Variants in ZNF831 observed in about 807,000 individuals in gnomAD.
ZNF831 encodes zinc finger protein 831, also known as chromosome 20 open reading frame 174.
In ZNF831, 59 loss-of-function variants were observed where a neutral mutation model predicts 95.8. The ratio of observed to expected loss-of-function variants is 0.62; its 90% CI spans 0.50 to 0.77. The LOEUF is 0.77. ZNF831 is among the 30% of genes least tolerant of loss of function. ZNF831 has a pLI of 0.00. For synonymous variants in ZNF831, 961 were observed against 925.5 expected (o/e 1.04, Z -0.70); for missense variants, 2,205 against 2,164.0 (o/e 1.02, Z -0.38).
intron 3 of ZNF831, among the ~76,000 whole-genome samples, chr20:59,206,691 C>G (rs1984916789): frequency 6.6e-6 from 1 of 152,184 alleles, no homozygotes; most frequent in African/African-American, 2.4e-5. Flanking sequence ...TTGTGACCAC[C>G]TCATTTAGTT....
chr20:59,175,470 G>T (rs1293363951), intron 1 of ZNF831, among the ~76,000 whole-genome samples: 1 of 151,478 alleles, frequency 6.6e-6, no homozygotes, highest in Non-Finnish European at 1.5e-5. Flanking sequence ...CTCAGATTGG[G>T]TAATTTCCAT....
intron 4 of ZNF831, among the ~76,000 whole-genome samples, chr20:59,219,895 C>T (rs907111645): frequency 2.0e-5 from 3 of 152,000 alleles, no homozygotes; most frequent in Non-Finnish European, 2.9e-5. Context: ...AGGTAGTGCA[C>T]TAATGATGGG....
intron 4 of ZNF831, among the ~76,000 whole-genome samples, chr20:59,250,644 G>A (rs188311872): frequency 7.9e-5 from 12 of 152,108 alleles, no homozygotes; most frequent in South Asian, 4.2e-4. Flanking sequence ...CTTCAACAAC[G>A]ACAACAACAA....
rs1673977258 is a variant in ZNF831, at chr20:59,192,289, C to A, written c.1270C>A (p.Leu424Met). ...HNQAVVDDAQ[L>M]DNVRPRKTGL... ...CCAGGCGGTGGTGGACGATGCCCAG[C>A]TGGACAACGTGCGGCCCCGGAAGAC... Residue 424 changes from leucine to methionine, a missense_variant, in exon 2 of 6, where the codon CTG becomes ATG. Coordinates refer to ENST00000371030, the MANE Select transcript of ZNF831 (RefSeq NM_178457.3). The surrounding 1 kb of genome is among the most constrained non-coding windows in gnomAD (Gnocchi z 5.2). The A allele has an allele frequency of 1.3e-6, 2 of 1,589,552 alleles. No individual in the cohort carries two copies. Among genetic ancestry groups the A allele is most frequent in the South Asian group, 1.1e-5 (1 of 87,794 alleles).
At chr20:59,221,675 G>A (rs1456607530) in intron 4 of ZNF831, among the ~76,000 whole-genome samples, 3 of 152,218 alleles carry the variant, frequency 2.0e-5, no homozygotes, top group Non-Finnish European at 2.9e-5. Flanking sequence ...GAAAAGAAAT[G>A]CAAGCTCAGT....
chr20:59,158,851 C>T (rs1035009571), upstream of ZNF831, among the ~76,000 whole-genome samples: 39 of 152,172 alleles, frequency 2.6e-4, no homozygotes, highest in Middle Eastern at 3.2e-3. Flanking sequence ...ACCCCCACCC[C>T]GCAGCATCTT....
intron 2 of ZNF831, among the ~76,000 whole-genome samples, chr20:59,153,541 C>T (rs1364100404): frequency 6.6e-6 from 1 of 152,174 alleles, no homozygotes; most frequent in African/African-American, 2.4e-5. Context: ...AGCCTGGGTG[C>T]CCCGCTGCCA....
chr20:59,142,502 G>A (rs1363599436), intron 1 of ZNF831, among the ~76,000 whole-genome samples: 4 of 152,190 alleles, frequency 2.6e-5, no homozygotes, highest in South Asian at 4.1e-4. Context: ...CTTGGGATTC[G>A]TAGCCGTGGA....
intron 4 of ZNF831, among the ~76,000 whole-genome samples, chr20:59,227,299 T>G (rs1232471615): frequency 6.6e-6 from 1 of 152,206 alleles, no homozygotes; most frequent in African/African-American, 2.4e-5. Context: ...ATGAATTTGA[T>G]TTTTAAGGGA....
At chr20:59,244,800 T>C (rs1600681401) in intron 4 of ZNF831, among the ~76,000 whole-genome samples, 1 of 152,344 alleles carries the variant, frequency 6.6e-6, no homozygotes, top group African/African-American at 2.4e-5. Context: ...CGTATATAGA[T>C]TGTTTTAATA....
rs753979009 is a variant in ZNF831, at chr20:59,211,065, A to AAAAAAAAAAC, written c.4027+4009_4027+4010insAAAAAAAAAC. Among the ~76,000 whole-genome samples, 315 of 77,568 alleles carry AAAAAAAAAAC rather than the reference A, an allele frequency of 4.1e-3. 68 individuals carry two copies. The highest frequency in any genetic ancestry group is 0.024 in the African/African-American group (304 of 12,554). 50.9% of individuals were successfully genotyped at this position (77,568 alleles called of 152,430 possible). Reference sequence around the variant, plus strand: ...AAAAAAAAAGAAAAAAAAAAAAAAAACAAATCCAAGGAGAAAAAAAAATTC... The same window carrying AAAAAAAAAAC: ...AAAAAAAAAGAAAAAAAAAAAAAAAAAAAAAAAAACCAAATCCAAGGAGAAAAAAAAATTC... On this transcript the variant is annotated intron_variant, in intron 4 of 5. Coordinates refer to ENST00000371030, the MANE Select transcript of ZNF831 (RefSeq NM_178457.3).
In ZNF831 at chr20:59,255,018, G is replaced by A; in HGVS notation, c.*275G>A. The A allele has an allele frequency of 2.9e-6, 1 of 345,018 alleles. No homozygotes were observed. Among genetic ancestry groups the A allele is most frequent in the Admixed American group, 4.3e-5 (1 of 23,082 alleles). The allele number at this position is 345,018 out of a possible 1,614,324, so 21.4% of individuals were successfully genotyped here. On this transcript the variant is annotated 3_prime_UTR_variant, in exon 6 of 6. Transcript: ENST00000371030. ...AGCAAACTCTGCAAATGGTCAACGTGCACAGTGACTGGGCCTTGACTCCCA... is the reference window on the plus strand; with the variant it reads ...AGCAAACTCTGCAAATGGTCAACGTACACAGTGACTGGGCCTTGACTCCCA...
chr20:59,215,263 C>CT (rs1217756001), intron 4 of ZNF831, among the ~76,000 whole-genome samples: 1 of 152,188 alleles, frequency 6.6e-6, no homozygotes, highest in Non-Finnish European at 1.5e-5. Flanking sequence ...GCCGCTTCTC[C>CT]TGGTACACAG....
intron 4 of ZNF831, among the ~76,000 whole-genome samples, chr20:59,242,511 C>T (rs1041732709): frequency 2.0e-5 from 3 of 151,972 alleles, no homozygotes; most frequent in African/African-American, 7.3e-5. Context: ...CAAATATTAA[C>T]GATTGATTTT....
intron 4 of ZNF831, among the ~76,000 whole-genome samples, chr20:59,232,994 G>GCACACACACACACACA (rs59267396): frequency 8.9e-5 from 11 of 123,082 alleles, no homozygotes; most frequent in African/African-American, 3.1e-4. Context: ...GGACCCTGAG[G>GCACACACACACACACA]CACACACACA....
intron 3 of ZNF831, among the ~76,000 whole-genome samples, chr20:59,201,776 T>C (rs942596934): frequency 3.9e-5 from 6 of 152,232 alleles, no homozygotes; most frequent in Admixed American, 3.9e-4. Flanking sequence ...GCCGCTTGAC[T>C]CTGAGACTTA....
chr20:59,190,171 T>C (rs1372378037), intron 1 of ZNF831, among the ~76,000 whole-genome samples: 1 of 152,190 alleles, frequency 6.6e-6, no homozygotes, highest in Admixed American at 6.5e-5. Context: ...CTAAGTCTTG[T>C]CTTGAGGCTG....
chr20:59,220,160 C>T lies in ZNF831; in HGVS notation c.4027+13104C>T, dbSNP rs1041574560. Among the ~76,000 whole-genome samples the T allele has an allele frequency of 2.8e-4, 42 of 152,128 alleles. 1 individual carries two copies. The highest frequency in any genetic ancestry group is 8.7e-4 in the African/African-American group (36 of 41,414). On this transcript the variant is annotated intron_variant, in intron 4 of 5. Transcript: ENST00000371030. Reference sequence around the variant, plus strand: ...CTCAGCAGAGGGCCACAAATGAATCCTGAGTTTTGTTCTGGAATTTTCCTA... The same window carrying T: ...CTCAGCAGAGGGCCACAAATGAATCTTGAGTTTTGTTCTGGAATTTTCCTA...
chr20:59,194,643 G>A lies in ZNF831; in HGVS notation c.3624G>A (p.Ala1208=), dbSNP rs759261413. 5.6e-6 allele frequency: 9 copies of A among 1,613,530 alleles called. No homozygotes were observed. The highest frequency in any genetic ancestry group is 1.6e-4 in the Middle Eastern group (1 of 6,062). The change falls in exon 2 of 6, where the codon GCG becomes GCA. Residue 1208 remains alanine (A), a synonymous_variant. Coordinates refer to ENST00000371030, the MANE Select transcript of ZNF831 (RefSeq NM_178457.3). ...QKAKAASVYL[A]VHFPGSSLRD... The stretch of plus-strand genomic sequence containing the variant: ...CAAAGGCGGCATCTGTGTACTTGGC[G>A]GTGCACTTTCCTGGTAGCAGCCTCC...
Sources: allele counts gnomAD v4.1 joint callset (sites outside exome capture counted in the v4.1 genomes callset), GRCh38; gene constraint gnomAD v4.1.1; non-coding constraint Gnocchi (gnomAD v3.1); transcripts MANE v1.5; gene names NCBI Gene and HGNC (gene_info 2026-07-23, HGNC 2026-07-21).